NGEF: variants seen among roughly 807,000 people sequenced by gnomAD.
NGEF encodes the protein neuronal guanine nucleotide exchange factor, also known as ephexin-1.
NGEF carries 31 observed loss-of-function variants against 80.9 expected under a neutral mutation model. The observed-to-expected ratio is 0.38, with a 90% CI of 0.29 to 0.52. The LOEUF is 0.52. Ranked by LOEUF, NGEF falls within the 20% of genes least tolerant of loss-of-function variation. The pLI is 0.84. For synonymous variants in NGEF, 371 were observed against 370.2 expected (o/e 1.00, Z -0.03); for missense variants, 709 against 926.2 (o/e 0.77, Z 3.04).
In NGEF at chr2:232,961,642, G is replaced by A. The variant is rs11888761; in HGVS notation, c.383+8572C>T. On this transcript the variant is annotated intron_variant, in intron 3 of 14. Coordinates refer to ENST00000264051, the MANE Select transcript of NGEF (RefSeq NM_019850.3). ...CGAGTAGCTGGGACTACAGGTGCCC[G>A]CCACCACGCCCAGCTAATTTTTTGT... Among the ~76,000 whole-genome samples the A allele has an allele frequency of 8.1e-3, 1,228 of 151,678 alleles. 14 individuals are homozygous for A. Among genetic ancestry groups the A allele is most frequent in the African/African-American group, 0.028 (1,165 of 41,422 alleles).
intron 3 of NGEF, among the ~76,000 whole-genome samples, chr2:232,946,343 C>T (rs547562592): frequency 1.3e-4 from 20 of 152,010 alleles, no homozygotes; most frequent in South Asian, 2.1e-4. Flanking sequence ...GTATACTGCT[C>T]GGCTGATAGA....
intron 5 of NGEF, among the ~76,000 whole-genome samples, chr2:232,899,988 ACT>A (rs775192416): frequency 0.035 from 2,851 of 80,988 alleles, 216 homozygotes; most frequent in Non-Finnish European, 0.04. Flanking sequence ...TCACTCATTC[ACT>A]CACACACGCT....
intron 3 of NGEF, among the ~76,000 whole-genome samples, chr2:232,930,629 C>G (rs993048698): frequency 6.6e-6 from 1 of 152,152 alleles, no homozygotes; most frequent in Admixed American, 6.5e-5. Flanking sequence ...GTGTGAGCCA[C>G]CACGCCTGGC....
chr2:232,924,255 A>AAATG (rs1693011377), intron 4 of NGEF, among the ~76,000 whole-genome samples: 1 of 152,056 alleles, frequency 6.6e-6, no homozygotes, highest in African/African-American at 2.4e-5. Flanking sequence ...ATAAATAAAT[A>AAATG]AATACATTTT....
intron 5 of NGEF, among the ~76,000 whole-genome samples, chr2:232,907,629 A>T (rs1471373569): frequency 6.6e-6 from 1 of 152,244 alleles, no homozygotes; most frequent in African/African-American, 2.4e-5. Flanking sequence ...GGTCAGCCTC[A>T]TTTATTTTTA....
At chr2:232,970,084 G>C (rs1481360537) in intron 3 of NGEF, 130 bp downstream of exon 3, 2 of 435,048 alleles carry the variant, frequency 4.6e-6, no homozygotes, top group African/African-American at 2.1e-5. Context: ...TATTTTTTTA[G>C]CACGGGCAAC....
intron 3 of NGEF, among the ~76,000 whole-genome samples, chr2:232,928,495 C>G (rs1693144375): frequency 6.6e-6 from 1 of 152,012 alleles, no homozygotes; most frequent in Admixed American, 6.5e-5. Flanking sequence ...TCCGCCTTGC[C>G]CACGCTGGGC....
chr2:232,947,089 T>C (rs967485942), intron 3 of NGEF, among the ~76,000 whole-genome samples: 1 of 152,166 alleles, frequency 6.6e-6, no homozygotes, highest in Non-Finnish European at 1.5e-5. Context: ...AAAGAGTATA[T>C]TGAAGTGATC....
At chr2:232,923,822 C>A (rs551897450) in intron 4 of NGEF, among the ~76,000 whole-genome samples, 2 of 152,184 alleles carry the variant, frequency 1.3e-5, no homozygotes, top group Admixed American at 1.3e-4. Flanking sequence ...GGTGTCCCCC[C>A]AGATTCGTAT....
intron 1 of NGEF, among the ~76,000 whole-genome samples, chr2:232,996,447 T>A (rs7588539): frequency 0.43 from 65,557 of 151,918 alleles, 15,703 homozygotes; most frequent in East Asian, 0.92. Flanking sequence ...GAGAGGCCGC[T>A]GAGCGCAGTG....
intron 3 of NGEF, among the ~76,000 whole-genome samples, chr2:232,943,030 A>G (rs1693472615): frequency 6.7e-6 from 1 of 149,402 alleles, no homozygotes; most frequent in South Asian, 2.1e-4. Flanking sequence ...ATGTTAAATT[A>G]CTGCTGTTTC....
intron 9 of NGEF, 134 bp from the exon 10 acceptor site, chr2:232,885,503 G>C (rs1431753124): frequency 1.4e-6 from 1 of 709,762 alleles, no homozygotes; most frequent in African/African-American, 1.8e-5. Flanking sequence ...AGGCTGGCTG[G>C]CCAGTCTCAG....
intron 8 of NGEF, among the ~76,000 whole-genome samples, chr2:232,888,687 G>C (rs1389587575): frequency 6.6e-6 from 1 of 152,180 alleles, no homozygotes; most frequent in Non-Finnish European, 1.5e-5. Flanking sequence ...CTGTCCCCAA[G>C]GGGAGCTAAA....
Position 232,964,414 on chromosome 2 carries a change from C to T in NGEF, c.383+5800G>A, listed in dbSNP as rs116212231. On this transcript the variant is annotated intron_variant, in intron 3 of 14. Coordinates refer to ENST00000264051, the MANE Select transcript of NGEF (RefSeq NM_019850.3). ...AGCAATAAAAAAGAATAATTTGGGCCGGGCGCGGTGGCTCGCACCTGTAAT... is the reference window on the plus strand; with the variant it reads ...AGCAATAAAAAAGAATAATTTGGGCTGGGCGCGGTGGCTCGCACCTGTAAT... 6.9e-3 allele frequency among the ~76,000 whole-genome samples: 1,053 copies of T among 152,182 alleles called. 11 individuals carry two copies. The highest frequency in any genetic ancestry group is 0.02 in the Middle Eastern group (6 of 294).
chr2:232,927,302 C>T, intron 3 of NGEF, 116 bp from the exon 4 acceptor site: 1 of 1,192,904 alleles, frequency 8.4e-7, no homozygotes. Context: ...TTACCCGGGA[C>T]CGTCCAGGGG....
At chr2:232,994,857 T>C (rs1030128856) in intron 1 of NGEF, among the ~76,000 whole-genome samples, 4 of 151,742 alleles carry the variant, frequency 2.6e-5, no homozygotes, top group Non-Finnish European at 2.9e-5. Context: ...ACAAATATAA[T>C]ACATACACAT....
At chr2:233,012,171 C>T (rs1317671113) in intron 1 of NGEF, among the ~76,000 whole-genome samples, 1 of 152,160 alleles carries the variant, frequency 6.6e-6, no homozygotes, top group Non-Finnish European at 1.5e-5. Flanking sequence ...GGCCTTATTG[C>T]ATTAAGGATT....
intron 3 of NGEF, among the ~76,000 whole-genome samples, chr2:232,967,879 T>C (rs1345629171): frequency 6.6e-6 from 1 of 152,102 alleles, no homozygotes; most frequent in Non-Finnish European, 1.5e-5. Context: ...CAGGGATTTG[T>C]AGAGATTGTG....
At chr2:232,996,622 A>T (rs563556339) in intron 1 of NGEF, among the ~76,000 whole-genome samples, 1 of 152,262 alleles carries the variant, frequency 6.6e-6, no homozygotes, top group South Asian at 2.1e-4. Flanking sequence ...TGATGGTTTC[A>T]CACAAAAAGA....
Sources: gnomAD v4.1 joint callset for allele counts (sites outside exome capture counted in the v4.1 genomes callset) on GRCh38, gnomAD v4.1.1 for gene constraint, MANE v1.5 for transcripts, NCBI Gene and HGNC (gene_info 2026-07-23, HGNC 2026-07-21) for gene names.